The following GRK3 variants were observed in gnomAD, a reference collection of about 807,000 sequenced individuals.
The protein encoded by GRK3 is G protein-coupled receptor kinase 3, also known as adrenergic, beta, receptor kinase 2.
In GRK3, 54 loss-of-function variants were observed where a neutral mutation model predicts 95.7. The observed-to-expected ratio is 0.56, with a 90% CI of 0.45 to 0.71. GRK3 has a LOEUF of 0.71. Ranked by LOEUF, GRK3 falls within the 30% of genes least tolerant of loss-of-function variation. The pLI, the probability that GRK3 is intolerant of heterozygous loss-of-function variation, is 0.00. For missense variants in GRK3, 649 were observed against 851.2 expected (o/e 0.76, Z 2.96); for synonymous variants, 281 against 290.8 (o/e 0.97, Z 0.34).
At chr22:25,659,000 C>T (rs2084892358) in intron 3 of GRK3, among the ~76,000 whole-genome samples, 1 of 152,066 alleles carries the variant, frequency 6.6e-6, no homozygotes, top group Non-Finnish European at 1.5e-5. Flanking sequence ...GAATCTGGAG[C>T]TCAGGAGTCC....
At chr22:25,604,297 A>G in intron 1 of GRK3, 80 bp from the exon 2 acceptor site, 1 of 1,027,162 alleles carries the variant, frequency 9.7e-7, no homozygotes, top group Non-Finnish European at 1.5e-6. Flanking sequence ...AAGTCAAGAC[A>G]TCCGTATCTC....
chr22:25,595,614 G>A (rs2084367217), intron 1 of GRK3, among the ~76,000 whole-genome samples: 2 of 152,102 alleles, frequency 1.3e-5, no homozygotes, highest in Non-Finnish European at 2.9e-5. Context: ...TATAAGTACA[G>A]ACTAGATTTC....
chr22:25,584,986 G>C (rs1932245930), intron 1 of GRK3, among the ~76,000 whole-genome samples: 2 of 152,406 alleles, frequency 1.3e-5, no homozygotes, highest in South Asian at 4.1e-4. Context: ...CAGTCACCAA[G>C]CTTTTTAGAA....
intron 9 of GRK3, among the ~76,000 whole-genome samples, chr22:25,680,988 C>A (rs1187953168): frequency 6.6e-6 from 1 of 151,362 alleles, no homozygotes; most frequent in Non-Finnish European, 1.5e-5. Context: ...GTATTCCTAC[C>A]CATCTCCCCA....
intron 19 of GRK3, among the ~76,000 whole-genome samples, chr22:25,719,736 A>G (rs1158752211): frequency 4.0e-5 from 6 of 151,314 alleles, no homozygotes. Context: ...AAGCAGGACG[A>G]TGGTCCCAAA....
At chr22:25,582,611 G>T (rs1447616296) in intron 1 of GRK3, among the ~76,000 whole-genome samples, 1 of 152,140 alleles carries the variant, frequency 6.6e-6, no homozygotes, top group Non-Finnish European at 1.5e-5. Flanking sequence ...ATGGAGATTT[G>T]CTCTAATATA....
chr22:25,615,340 G>C (rs992806464), intron 2 of GRK3, among the ~76,000 whole-genome samples: 3 of 152,128 alleles, frequency 2.0e-5, no homozygotes, highest in Non-Finnish European at 4.4e-5. Flanking sequence ...TTTTTGAACT[G>C]ACAGTGGGGG....
intron 4 of GRK3, among the ~76,000 whole-genome samples, chr22:25,662,626 T>C (rs1601509852): frequency 6.6e-6 from 1 of 152,218 alleles, no homozygotes; most frequent in Non-Finnish European, 1.5e-5. Flanking sequence ...ACTGCTCTGT[T>C]CCTTGGACCC....
intron 2 of GRK3, among the ~76,000 whole-genome samples, chr22:25,620,009 TGTGTGTGTGTGTGTGTG>T (rs2084571173): frequency 2.3e-4 from 21 of 92,654 alleles, no homozygotes; most frequent in African/African-American, 3.5e-4. Context: ...GTCTTTTTTG[TGTGTGTGTGTGTGTGTG>T]TGTGTGTGTG....
chr22:25,630,379 A>C (rs1029647965), intron 2 of GRK3, among the ~76,000 whole-genome samples: 5 of 152,220 alleles, frequency 3.3e-5, no homozygotes, highest in Non-Finnish European at 7.3e-5. Flanking sequence ...TTTTATCTTA[A>C]ATTATTTTAA....
At chr22:25,568,528 A>G (rs1323902541) in intron 1 of GRK3, among the ~76,000 whole-genome samples, 1 of 152,162 alleles carries the variant, frequency 6.6e-6, no homozygotes, top group East Asian at 1.9e-4. Flanking sequence ...ATTCTTTATA[A>G]TTTTCTAGGA....
intron 1 of GRK3, among the ~76,000 whole-genome samples, chr22:25,589,160 C>A (rs1170945689): frequency 6.6e-6 from 1 of 152,124 alleles, no homozygotes; most frequent in Non-Finnish European, 1.5e-5. Context: ...CAATATGTTA[C>A]CTATTAATTA....
chr22:25,683,240 G>T (rs960058395), intron 9 of GRK3, among the ~76,000 whole-genome samples: 3 of 152,248 alleles, frequency 2.0e-5, no homozygotes, highest in Non-Finnish European at 4.4e-5. Context: ...TGGCATTCTA[G>T]TGTATAAATA....
chr22:25,636,135 G>T (rs1371047271), intron 2 of GRK3, among the ~76,000 whole-genome samples: 1 of 152,148 alleles, frequency 6.6e-6, no homozygotes, highest in Admixed American at 6.5e-5. Flanking sequence ...TAAAGCTCAT[G>T]TTGTTATTTA....
rs3729561 is a variant in GRK3, at chr22:25,711,291, A to G, written c.1491+128A>G. ...ATTTAACTTACAAATGAGTATCAAC[A>G]TATTTGAAGAATGTGTAAGTTAAGG... is the stretch of plus-strand genomic sequence containing the variant. On this transcript the variant is annotated intron_variant, in intron 17 of 20. Coordinates refer to ENST00000324198, the MANE Select transcript of GRK3 (RefSeq NM_005160.4). 3.1e-3 allele frequency: 1,559 copies of G among 510,988 alleles called. 47 individuals carry two copies. The East Asian group carries it at 0.045, about 15-fold the overall frequency. 31.7% of individuals were successfully genotyped at this position (510,988 alleles called of 1,614,324 possible).
chr22:25,565,212 A>G, intron 1 of GRK3, 59 bp downstream of exon 1: 1 of 896,380 alleles, frequency 1.1e-6, no homozygotes, highest in Non-Finnish European at 1.6e-6. Flanking sequence ...GCCGCCAGCT[A>G]CCCCCTGCTT....
At chr22:25,648,996 C>A in intron 3 of GRK3, 2 of 1,102,326 alleles carry the variant, frequency 1.8e-6, no homozygotes, top group South Asian at 1.2e-5. Context: ...ACAGACAGAA[C>A]TGGTAACAAA....
chr22:25,582,348 GAAGA>G (rs1438406958), intron 1 of GRK3, among the ~76,000 whole-genome samples: 3 of 151,922 alleles, frequency 2.0e-5, no homozygotes, highest in African/African-American at 7.3e-5. Flanking sequence ...GGACCAGTGT[GAAGA>G]AAAAAAGTTT....
intron 9 of GRK3, among the ~76,000 whole-genome samples, chr22:25,680,134 G>C (rs969807239): frequency 6.6e-6 from 1 of 152,144 alleles, no homozygotes; most frequent in South Asian, 2.1e-4. Context: ...AGAGGTATTT[G>C]CTATTGAAGC....
Sources: gnomAD v4.1 joint callset for allele counts (sites outside exome capture counted in the v4.1 genomes callset) on GRCh38, gnomAD v4.1.1 for gene constraint, MANE v1.5 for transcripts, NCBI Gene and HGNC (gene_info 2026-07-23, HGNC 2026-07-21) for gene names.